GRHL1: variants seen among roughly 807,000 people sequenced by gnomAD.
GRHL1 encodes the protein grainyhead-like protein 1 homolog.
In GRHL1, 38 loss-of-function variants were observed where a neutral mutation model predicts 75.7. That is an observed-to-expected ratio of 0.50 (90% CI 0.39 to 0.66). GRHL1 has a LOEUF of 0.66. Among genes scored for constraint, GRHL1 ranks in the 30% least tolerant of loss-of-function variants. GRHL1 has a pLI of 0.00. For missense variants in GRHL1, 589 were observed against 767.5 expected, an observed-to-expected ratio of 0.77 and a Z score of 2.75; for synonymous variants, 266 against 279.4, an observed-to-expected ratio of 0.95 and a Z score of 0.48.
chr2:9,984,151 A>G (rs2125234215), intron 8 of GRHL1, among the ~76,000 whole-genome samples: 2 of 151,512 alleles, frequency 1.3e-5, no homozygotes, highest in East Asian at 3.9e-4. Context: ...AACAAGAGCA[A>G]AACTTCATCT....
At chr2:9,989,808 C>T (rs1488608823) in intron 9 of GRHL1, among the ~76,000 whole-genome samples, 1 of 152,164 alleles carries the variant, frequency 6.6e-6, no homozygotes, top group Non-Finnish European at 1.5e-5. Context: ...CCTCGGCCTC[C>T]CAAAATGCTG....
At chr2:9,995,816 C>T in intron 12 of GRHL1, 63 bp from the exon 13 acceptor site, 1 of 889,812 alleles carries the variant, frequency 1.1e-6, no homozygotes, top group South Asian at 1.4e-5. Context: ...GGCTCTAAAA[C>T]ACCTTAATGT....
At chr2:9,998,470 GTATATATATACA>G (rs1668988752) in intron 14 of GRHL1, among the ~76,000 whole-genome samples, 2 of 32,302 alleles carry the variant, frequency 6.2e-5, no homozygotes, top group Non-Finnish European at 1.1e-4. Flanking sequence ...ATATATATAC[GTATATATATACA>G]TATATATACG....
intron 8 of GRHL1, among the ~76,000 whole-genome samples, chr2:9,974,623 C>G (rs1667871263): frequency 1.3e-5 from 2 of 152,190 alleles, no homozygotes; most frequent in African/African-American, 2.4e-5. Flanking sequence ...AAAACACTTC[C>G]TCAAAGTTTT....
chr2:9,981,663 T>G (rs911364777), intron 8 of GRHL1, among the ~76,000 whole-genome samples: 2 of 152,270 alleles, frequency 1.3e-5, no homozygotes, highest in Non-Finnish European at 2.9e-5. Flanking sequence ...TAGTCGCTTC[T>G]GATTTAGATA....
intron 3 of GRHL1, 170 bp from the exon 4 acceptor site, chr2:9,960,876 A>G (rs895846434): frequency 7.3e-6 from 4 of 548,844 alleles, no homozygotes; most frequent in Non-Finnish European, 1.3e-5. Context: ...TTTGACCGAT[A>G]ACCAGAAAGC....
chr2:9,996,462 C>A, intron 14 of GRHL1, 61 bp downstream of exon 14: 2 of 1,064,456 alleles, frequency 1.9e-6, no homozygotes, highest in East Asian at 2.4e-5. Flanking sequence ...CATAGGATTT[C>A]ATTGAAACAC....
At chr2:9,974,514 A>G (rs568830632) in intron 8 of GRHL1, among the ~76,000 whole-genome samples, 1 of 151,966 alleles carries the variant, frequency 6.6e-6, no homozygotes, top group African/African-American at 2.4e-5. Flanking sequence ...TAATACACAC[A>G]TGACAGCAGG....
At chr2:9,974,320 G>C (rs1667856021) in intron 8 of GRHL1, among the ~76,000 whole-genome samples, 1 of 152,218 alleles carries the variant, frequency 6.6e-6, no homozygotes, top group African/African-American at 2.4e-5. Flanking sequence ...TGTTTTTAGG[G>C]TAGGCAGTGA....
In GRHL1 at chr2:9,998,391, G is replaced by A. The variant is rs539891548; in HGVS notation, c.1678-574G>A. On this transcript the variant is annotated intron_variant, in intron 14 of 15. Transcript: ENST00000324907. The stretch of plus-strand genomic sequence containing the variant: ...GGCTTTTCCATGTCTTTGTGTCTGC[G>A]TTTTTGAAAAACAAAAAGTCGAGTG... Among the ~76,000 whole-genome samples the A allele has an allele frequency of 8.2e-5, 12 of 146,360 alleles. No homozygotes were observed. In the East Asian group the frequency reaches 2.0e-3, roughly 25 times the overall value.
intron 8 of GRHL1, among the ~76,000 whole-genome samples, chr2:9,982,204 A>G (rs1668225309): frequency 6.6e-6 from 1 of 152,266 alleles, no homozygotes; most frequent in South Asian, 2.1e-4. Context: ...ACATATAAAT[A>G]CATATAAAAA....
At chr2:9,978,112 G>A (rs1170116255) in intron 8 of GRHL1, among the ~76,000 whole-genome samples, 4 of 152,160 alleles carry the variant, frequency 2.6e-5, no homozygotes, top group Non-Finnish European at 4.4e-5. Flanking sequence ...TCTCCCACAG[G>A]GTCCCTCCCT....
At chr2:9,965,254 A>G (rs780751401) in intron 7 of GRHL1, 33 bp from the exon 8 acceptor site, 1 of 1,145,140 alleles carries the variant, frequency 8.7e-7, no homozygotes, top group South Asian at 1.2e-5. Context: ...AAGACTCATG[A>G]GTTTTCATTT....
intron 2 of GRHL1, 145 bp from the exon 3 acceptor site, chr2:9,958,641 T>C: frequency 1.7e-6 from 1 of 581,110 alleles, no homozygotes; most frequent in Non-Finnish European, 3.1e-6. Context: ...TATTATAATT[T>C]GTGTGTCCCC....
In GRHL1 at chr2:9,998,551, T is replaced by C. The variant is rs564626547; in HGVS notation, c.1678-414T>C. Among the ~76,000 whole-genome samples, 10 of 75,630 alleles carry C rather than the reference T, an allele frequency of 1.3e-4. 4 individuals carry two copies. The highest frequency in any genetic ancestry group is 6.7e-4 in the African/African-American group (9 of 13,446). The allele number at this position is 75,630 out of a possible 152,430, so 49.6% of individuals were successfully genotyped here. On this transcript the variant is annotated intron_variant, in intron 14 of 15. Transcript: ENST00000324907. ...ATATATACGTATATATACATATGTA[T>C]ATATGTGTGTACATGTATATATATA...
chr2:9,994,398 T>C (rs1318275867), intron 12 of GRHL1, among the ~76,000 whole-genome samples: 1 of 151,710 alleles, frequency 6.6e-6, no homozygotes, highest in Non-Finnish European at 1.5e-5. Context: ...AGCCTCCCTC[T>C]TTCTGTTATC....
At chr2:9,989,838 C>T (rs1558312912) in intron 9 of GRHL1, among the ~76,000 whole-genome samples, 1 of 152,290 alleles carries the variant, frequency 6.6e-6, no homozygotes, top group East Asian at 1.9e-4. Flanking sequence ...GCGTGAGCCA[C>T]CGCGCCCAGC....
chr2:9,969,787 C>T (rs577274966), intron 8 of GRHL1, among the ~76,000 whole-genome samples: 7 of 151,082 alleles, frequency 4.6e-5, no homozygotes, highest in Non-Finnish European at 7.4e-5. Context: ...AAGGAAATTG[C>T]AGGATTTCTC....
At position 9,968,983 on chromosome 2, in the gene GRHL1, A is replaced by G. The variant is rs925642596; in HGVS notation, c.1110+3602A>G. Among the ~76,000 whole-genome samples the G allele has an allele frequency of 1.3e-5, 2 of 152,206 alleles. No homozygotes were observed. The highest frequency in any genetic ancestry group is 2.4e-5 in the African/African-American group (1 of 41,446). On this transcript the variant is annotated intron_variant, in intron 8 of 15. Coordinates refer to ENST00000324907, the MANE Select transcript of GRHL1 (RefSeq NM_198182.3). The surrounding 1 kb of genome is among the most constrained non-coding windows in gnomAD (Gnocchi z 4.7). ...GAAAAATGTTTTTATCCCACTTTAAAAATGAACTTTGGGAACGCAATTTAT... is the reference window on the plus strand; with the variant it reads ...GAAAAATGTTTTTATCCCACTTTAAGAATGAACTTTGGGAACGCAATTTAT...
Sources: allele counts gnomAD v4.1 joint callset (sites outside exome capture counted in the v4.1 genomes callset), GRCh38; gene constraint gnomAD v4.1.1; non-coding constraint Gnocchi (gnomAD v3.1); transcripts MANE v1.5; gene names NCBI Gene and HGNC (gene_info 2026-07-23, HGNC 2026-07-21).